The following KIF13B variants were observed in gnomAD, a reference collection of about 807,000 sequenced individuals.
KIF13B encodes the protein kinesin-like protein KIF13B.
In KIF13B, 127 loss-of-function variants were observed where a neutral mutation model predicts 222.0. The ratio of observed to expected loss-of-function variants is 0.57; its 90% CI spans 0.50 to 0.66. KIF13B has a LOEUF of 0.66. Ranked by LOEUF, KIF13B falls within the 30% of genes least tolerant of loss-of-function variation. KIF13B has a pLI of 0.00. For synonymous variants in KIF13B, 976 were observed against 919.0 expected (o/e 1.06, Z -1.12); for missense variants, 2,173 against 2,379.0 (o/e 0.91, Z 1.80).
chr8:29,200,666 G>C (rs1813654373), intron 2 of KIF13B, among the ~76,000 whole-genome samples: 1 of 152,012 alleles, frequency 6.6e-6, no homozygotes, highest in Non-Finnish European at 1.5e-5. Context: ...TCCAAATTTT[G>C]CCAATTACCC....
chr8:29,167,691 C>T, intron 10 of KIF13B, 106 bp from the exon 11 acceptor site: 1 of 856,256 alleles, frequency 1.2e-6, no homozygotes, highest in Admixed American at 2.0e-5. Flanking sequence ...AGGTCAAACA[C>T]ATTCAATGAC....
Position 29,071,849 on chromosome 8 carries a change from C to G in KIF13B, c.4989G>C (p.Leu1663=). Residue 1663 remains leucine (L), a synonymous_variant, in exon 39 of 40, where the codon CTG becomes CTC. Transcript: ENST00000524189. The surrounding 1 kb of genome is among the most constrained non-coding windows in gnomAD (Gnocchi z 4.9). ...CCGGGGAGCAGCCGGGGTCCCCAGC[C>G]AGCATGCGCGAGAAGGAGCGCAACT... ...ASELRSFSRM[L]AGDPGCSPGA... 1 of 1,538,970 alleles carries G rather than the reference C, an allele frequency of 6.5e-7. No individual in the cohort carries two copies. Among genetic ancestry groups the G allele is most frequent in the Non-Finnish European group, 8.7e-7 (1 of 1,145,980 alleles).
At chr8:29,159,394 C>T (rs1563749870) in intron 13 of KIF13B, among the ~76,000 whole-genome samples, 1 of 152,184 alleles carries the variant, frequency 6.6e-6, no homozygotes, top group Non-Finnish European at 1.5e-5. Flanking sequence ...AAGTGATCTG[C>T]CCGCCTCAGC....
intron 26 of KIF13B, among the ~76,000 whole-genome samples, chr8:29,125,383 C>G (rs1810062656): frequency 6.6e-6 from 1 of 152,132 alleles, no homozygotes; most frequent in African/African-American, 2.4e-5. Context: ...GGGCACTTAA[C>G]CAAATAGCCT....
chr8:29,122,703 C>T (rs982500086), intron 28 of KIF13B, 57 bp from the exon 29 acceptor site: 27 of 1,377,942 alleles, frequency 2.0e-5, no homozygotes, highest in Middle Eastern at 1.8e-4. Flanking sequence ...GTGGCATGCA[C>T]GTAGGAACAC....
rs747310187 is a variant in KIF13B at position 29,140,201 on chromosome 8, T to C, written c.2485-10A>G. 4 of 1,613,320 alleles carry C rather than the reference T, an allele frequency of 2.5e-6. No homozygotes were observed. In the South Asian group the frequency reaches 3.3e-5, roughly 13 times the overall value. On this transcript the variant is annotated splice_polypyrimidine_tract_variant and intron_variant, in intron 20 of 39. Coordinates refer to ENST00000524189, the MANE Select transcript of KIF13B (RefSeq NM_015254.4). ...GCAGCCGACCTGCCACCTGCAGCAA[T>C]GAGGGAAGGCAGAAACATTTCTCCA... is the stretch of plus-strand genomic sequence containing the variant.
In KIF13B at chr8:29,070,743, C is replaced by A. The variant is rs574109297; in HGVS notation, c.5242G>T (p.Gly1748Trp). The change falls in exon 40 of 40, where the codon GGG (glycine) becomes TGG (tryptophan). Residue 1748 changes from glycine to tryptophan, a missense_variant. Physicochemically the swap from Gly to Trp is radical, Grantham distance 184. Coordinates refer to ENST00000524189, the MANE Select transcript of KIF13B (RefSeq NM_015254.4). This position sits in a 1 kb window ranked among gnomAD's most constrained non-coding sequence, Gnocchi z 4.1. ...PSGKNDGSIGGKQYFRCNPGY... is the reference protein window; with the variant it reads ...PSGKNDGSIGWKQYFRCNPGY... ...GGGTTACACCTGAAGTACTGCTTCC[C>A]GCCGATGGAACCGTCATTCTTACCT... is the stretch of plus-strand genomic sequence containing the variant. 2 of 1,583,950 alleles carry A rather than the reference C, an allele frequency of 1.3e-6. No homozygotes were observed. Among genetic ancestry groups the A allele is most frequent in the East Asian group, 4.6e-5 (2 of 43,278 alleles).
At chr8:29,228,054 T>C (rs994552155) in intron 2 of KIF13B, among the ~76,000 whole-genome samples, 1 of 152,008 alleles carries the variant, frequency 6.6e-6, no homozygotes, top group Non-Finnish European at 1.5e-5. Context: ...TTTTTTTTTT[T>C]CCTTTCAAAG....
chr8:29,238,864 G>A lies in KIF13B; in HGVS notation c.149+6482C>T, dbSNP rs1339695315. Among the ~76,000 whole-genome samples, 3 of 151,990 alleles carry A rather than the reference G, an allele frequency of 2.0e-5. 1 individual carries two copies. Among genetic ancestry groups the A allele is most frequent in the Admixed American group, 2.0e-4 (3 of 15,252 alleles). On this transcript the variant is annotated intron_variant, in intron 2 of 39. Coordinates refer to ENST00000524189, the MANE Select transcript of KIF13B (RefSeq NM_015254.4). ...GTCTCAAAACCTTACACTTAGGGGT[G>A]GAGAGGACAAAAAAAGAATGAAAAT...
At chr8:29,254,161 C>G (rs555538265) in intron 1 of KIF13B, among the ~76,000 whole-genome samples, 52 of 152,270 alleles carry the variant, frequency 3.4e-4, no homozygotes, top group African/African-American at 1.2e-3. Context: ...GAAGTTGGAT[C>G]CCTACCTCAT....
intron 13 of KIF13B, among the ~76,000 whole-genome samples, chr8:29,156,357 G>C (rs1286260119): frequency 6.6e-6 from 1 of 152,038 alleles, no homozygotes; most frequent in Non-Finnish European, 1.5e-5. Flanking sequence ...AAAAGCAGTT[G>C]GTTGACCCTG....
At chr8:29,222,771 C>T (rs1814817874) in intron 2 of KIF13B, among the ~76,000 whole-genome samples, 1 of 151,974 alleles carries the variant, frequency 6.6e-6, no homozygotes, top group African/African-American at 2.4e-5. Flanking sequence ...TTAATTACAC[C>T]TGCTACTGTT....
At chr8:29,083,168 T>C (rs941021316) in intron 37 of KIF13B, among the ~76,000 whole-genome samples, 1 of 152,028 alleles carries the variant, frequency 6.6e-6, no homozygotes, top group African/African-American at 2.4e-5. Context: ...CAGCTTAATA[T>C]GCGCTAAGAA....
At chr8:29,081,185 A>C (rs993888937) in intron 37 of KIF13B, among the ~76,000 whole-genome samples, 1 of 152,170 alleles carries the variant, frequency 6.6e-6, no homozygotes, top group African/African-American at 2.4e-5. Context: ...AATCTCTTAC[A>C]GTCACACGTG....
chr8:29,107,347 G>A (rs1809120879), intron 35 of KIF13B, among the ~76,000 whole-genome samples: 1 of 151,880 alleles, frequency 6.6e-6, no homozygotes, highest in African/African-American at 2.4e-5. Context: ...GGCCAACACG[G>A]TGAAACCCTG....
At chr8:29,153,513 TA>T (rs11311028) in intron 14 of KIF13B, among the ~76,000 whole-genome samples, 124,162 of 152,018 alleles carry the variant, frequency 0.82, 51,344 homozygotes, top group Non-Finnish European at 0.86. Flanking sequence ...GGGAAATAAT[TA>T]AGAGTATGCA....
chr8:29,177,765 C>T (rs1186113180), intron 8 of KIF13B, among the ~76,000 whole-genome samples, 187 bp from the exon 9 acceptor site: 2 of 152,156 alleles, frequency 1.3e-5, no homozygotes, highest in Non-Finnish European at 2.9e-5. Flanking sequence ...ATAAAAATAG[C>T]TGGCCATGGT....
chr8:29,125,935 C>T lies in KIF13B; in HGVS notation c.3252+547G>A, dbSNP rs567174786. Reference sequence around the variant, plus strand: ...CAGCCGGGCCAACATTGTGAAACCCCGTCTCTAGTAAAGATACAAAAAATT... The same window carrying T: ...CAGCCGGGCCAACATTGTGAAACCCTGTCTCTAGTAAAGATACAAAAAATT... On this transcript the variant is annotated intron_variant, in intron 26 of 39. Transcript: ENST00000524189. Among the ~76,000 whole-genome samples the T allele has an allele frequency of 2.8e-3, 427 of 152,020 alleles. 2 individuals are homozygous for T. Among genetic ancestry groups the T allele is most frequent in the South Asian group, 9.3e-3 (45 of 4,816 alleles).
At chr8:29,149,694 T>A (rs186507156) in intron 15 of KIF13B, among the ~76,000 whole-genome samples, 60 of 152,340 alleles carry the variant, frequency 3.9e-4, no homozygotes, top group Non-Finnish European at 7.4e-4. Flanking sequence ...TGTACCTGAA[T>A]GCTGCTTTGA....
Sources: gnomAD v4.1 joint callset for allele counts (sites outside exome capture counted in the v4.1 genomes callset) on GRCh38, gnomAD v4.1.1 for gene constraint, Gnocchi (gnomAD v3.1) non-coding constraint, MANE v1.5 for transcripts, NCBI Gene and HGNC (gene_info 2026-07-23, HGNC 2026-07-21) for gene names.